The following RAB18 variants were observed in gnomAD, a reference collection of about 807,000 sequenced individuals.
RAB18 encodes the protein RAB18, member RAS oncogene family, also known as ras-related protein Rab-18.
A neutral mutation model predicts 28.5 loss-of-function variants in RAB18; 10 were observed. The observed-to-expected ratio is 0.35, with a 90% CI of 0.22 to 0.60. The LOEUF (loss-of-function observed/expected upper bound fraction) is 0.60. Among genes scored for constraint, RAB18 ranks in the 20% least tolerant of loss-of-function variants. The pLI, the probability that RAB18 is intolerant of heterozygous loss-of-function variation, is 0.78. For missense variants in RAB18, 188 were observed against 244.2 expected, an observed-to-expected ratio of 0.77 and a Z score of 1.53; for synonymous variants, 93 against 86.9, an observed-to-expected ratio of 1.07 and a Z score of -0.39.
At chr10:27,528,392 G>A in intron 3 of RAB18, 1 of 452,768 alleles carries the variant, frequency 2.2e-6, no homozygotes, top group Non-Finnish European at 4.4e-6. Context: ...GAAGAGCAGA[G>A]AAGAACATCT....
chr10:27,504,544 G>C, intron 1 of RAB18, 107 bp downstream of exon 1: 1 of 1,333,214 alleles, frequency 7.5e-7, no homozygotes, highest in Non-Finnish European at 1.1e-6. Context: ...CGGCGGGCTC[G>C]GGCCGGCTCC....
At chr10:27,533,629 G>A in intron 4 of RAB18, 106 bp from the exon 5 acceptor site, 8 of 1,327,580 alleles carry the variant, frequency 6.0e-6, no homozygotes, top group Non-Finnish European at 8.4e-6. Context: ...ATAAAAAAAA[G>A]ACTTGTCTAT....
chr10:27,511,700 A>G (rs952721131), intron 2 of RAB18, among the ~76,000 whole-genome samples: 19 of 152,318 alleles, frequency 1.2e-4, no homozygotes, highest in African/African-American at 3.8e-4. Flanking sequence ...ACATAGTGTC[A>G]GTGAAGTTAT....
chr10:27,541,477 T>A lies in RAB18; in HGVS notation c.*3426T>A. 1 of 453,998 alleles carries A rather than the reference T, an allele frequency of 2.2e-6. No homozygotes were observed. The highest frequency in any genetic ancestry group is 4.4e-6 in the Non-Finnish European group (1 of 226,766). The allele number at this position is 453,998 out of a possible 1,614,324, so 28.1% of individuals were successfully genotyped here. On this transcript the variant is annotated 3_prime_UTR_variant, in exon 7 of 7. Coordinates refer to ENST00000356940, the MANE Select transcript of RAB18 (RefSeq NM_021252.5). The stretch of plus-strand genomic sequence containing the variant: ...TTCATACTTGGGAATCAGTCATGTT[T>A]CTGATTGTGGTATAAAGTTTGCTTA...
intron 4 of RAB18, 149 bp from the exon 5 acceptor site, chr10:27,533,586 T>A: frequency 2.3e-6 from 2 of 857,416 alleles, no homozygotes; most frequent in Non-Finnish European, 3.5e-6. Context: ...TCCATTTGGA[T>A]CAGTAGACAC....
At chr10:27,504,741 T>C (rs1182569735) in intron 1 of RAB18, 4 of 628,644 alleles carry the variant, frequency 6.4e-6, no homozygotes, top group Non-Finnish European at 1.2e-5. Context: ...TGCGCGGAGC[T>C]CAGGGCGTGG....
intron 2 of RAB18, among the ~76,000 whole-genome samples, chr10:27,518,376 A>T (rs1834481039): frequency 6.6e-6 from 1 of 152,122 alleles, no homozygotes; most frequent in Non-Finnish European, 1.5e-5. Context: ...GAGAATTCTT[A>T]TTCTTCTATA....
chr10:27,536,358 G>A (rs1484119697), intron 6 of RAB18, among the ~76,000 whole-genome samples: 1 of 152,140 alleles, frequency 6.6e-6, no homozygotes, highest in Non-Finnish European at 1.5e-5. Context: ...GGCTGAAGAA[G>A]CCTGGGCAAC....
intron 4 of RAB18, 91 bp downstream of exon 4, chr10:27,532,670 T>C: frequency 1.0e-6 from 1 of 980,112 alleles, no homozygotes; most frequent in South Asian, 1.4e-5. Context: ...TTTGTTTTAC[T>C]TCTCGTTAGA....
At chr10:27,532,634 TC>T in intron 4 of RAB18, 55 bp downstream of exon 4, 3 of 1,357,674 alleles carry the variant, frequency 2.2e-6, no homozygotes, top group Non-Finnish European at 2.1e-6. Flanking sequence ...TTTCTGATTG[TC>T]CTAGTCTGTG....
At chr10:27,522,419 T>G (rs11015842) in intron 2 of RAB18, among the ~76,000 whole-genome samples, 5,155 of 152,284 alleles carry the variant, frequency 0.034, 281 homozygotes, top group African/African-American at 0.12. Context: ...TTTCCTGTCC[T>G]TTCACTCTCA....
rs1178513293 is a variant in RAB18, at chr10:27,508,914, A to AG, written c.69-960dup. 3.9e-5 allele frequency among the ~76,000 whole-genome samples: 6 copies of AG among 152,152 alleles called. No homozygotes were observed. In the East Asian group the frequency reaches 1.2e-3, roughly 29 times the overall value. ...TTCATGCAAACAGGTCAATTAGGAG[A>AG]GTCTTATACTTCAGAAGTTAACATG... On this transcript the variant is annotated intron_variant, in intron 1 of 6. Transcript: ENST00000356940.
At chr10:27,523,265 C>CTTTTTTTTT (rs34006982) in intron 2 of RAB18, among the ~76,000 whole-genome samples, 13 of 79,540 alleles carry the variant, frequency 1.6e-4, no homozygotes, top group Non-Finnish European at 2.1e-4. Flanking sequence ...TTTTCTTCTT[C>CTTTTTTTTT]TTTTTTTTTT....
chr10:27,509,981 T>C, intron 2 of RAB18, 51 bp downstream of exon 2: 1 of 1,453,148 alleles, frequency 6.9e-7, no homozygotes, highest in Non-Finnish European at 9.7e-7. Context: ...TTTCTTGCCT[T>C]TGGCCTTTTT....
chr10:27,531,549 T>C, intron 3 of RAB18: 2 of 1,464,654 alleles, frequency 1.4e-6, no homozygotes, highest in Non-Finnish European at 1.9e-6. Flanking sequence ...ATCAGCAGAC[T>C]GCAAACTTTT....
chr10:27,538,177 A>G lies in RAB18; in HGVS notation c.*126A>G. On this transcript the variant is annotated 3_prime_UTR_variant, in exon 7 of 7. Coordinates refer to ENST00000356940, the MANE Select transcript of RAB18 (RefSeq NM_021252.5). ...TAATTGTTTTATATCATAGCAGTAA[A>G]TATTTGCAAGAAATCCCACTCATCG... The G allele has an allele frequency of 7.7e-7, 1 of 1,294,124 alleles. No individual in the cohort carries two copies. The highest frequency in any genetic ancestry group is 1.1e-6 in the Non-Finnish European group (1 of 909,552). The allele number at this position is 1,294,124 out of a possible 1,614,324, so 80.2% of individuals were successfully genotyped here. A position where few individuals can be genotyped will look rare whatever the true frequency, so the allele number is the denominator to read the frequency against.
chr10:27,516,641 T>A (rs529049647), intron 2 of RAB18, among the ~76,000 whole-genome samples: 2 of 152,294 alleles, frequency 1.3e-5, no homozygotes, highest in South Asian at 4.1e-4. Context: ...GTCAGAAGGC[T>A]GGGGCTAAAT....
intron 2 of RAB18, among the ~76,000 whole-genome samples, chr10:27,514,970 G>A (rs557865703): frequency 1.7e-4 from 26 of 152,088 alleles, no homozygotes; most frequent in African/African-American, 6.3e-4. Flanking sequence ...CCAAACTGTT[G>A]CCCAGGCTGG....
At position 27,532,497 on chromosome 10, in the gene RAB18, T is replaced by C; in HGVS notation, c.187-10T>C. 2.5e-6 allele frequency: 4 copies of C among 1,582,184 alleles called. No homozygotes were observed. Among genetic ancestry groups the C allele is most frequent in the Non-Finnish European group, 3.5e-6 (4 of 1,152,678 alleles). On this transcript the variant is annotated splice_polypyrimidine_tract_variant and intron_variant, in intron 3 of 6. Transcript: ENST00000356940. ...ACTTTGTTTAATTTAATAATAATGA[T>C]CATTTTTAGGATACTGCTGGTCAAG...
Sources: gnomAD v4.1 joint callset for allele counts (sites outside exome capture counted in the v4.1 genomes callset) on GRCh38, gnomAD v4.1.1 for gene constraint, MANE v1.5 for transcripts, NCBI Gene and HGNC (gene_info 2026-07-23, HGNC 2026-07-21) for gene names.